The following TSHZ2 variants were observed in gnomAD, a reference collection of about 807,000 sequenced individuals.
The protein encoded by TSHZ2 is teashirt homolog 2.
In TSHZ2, 21 loss-of-function variants were observed where a neutral mutation model predicts 74.4. That is an observed-to-expected ratio of 0.28 (90% CI 0.20 to 0.41). TSHZ2 has a LOEUF of 0.41. Among genes scored for constraint, TSHZ2 ranks in the 10% least tolerant of loss-of-function variants. The probability of loss-of-function intolerance (pLI) is 1.00; values close to 1 mark genes in which losing one functional copy is unlikely to be tolerated. For missense variants in TSHZ2, 1,244 were observed against 1,293.5 expected, an observed-to-expected ratio of 0.96 and a Z score of 0.59; for synonymous variants, 540 against 515.3, an observed-to-expected ratio of 1.05 and a Z score of -0.65.
chr20:53,044,784 G>A (rs911177221), intron 1 of TSHZ2, among the ~76,000 whole-genome samples: 2 of 152,054 alleles, frequency 1.3e-5, no homozygotes, highest in African/African-American at 2.4e-5. Context: ...ATCACAGCTC[G>A]CTGCAGCCCT....
At chr20:53,051,459 A>ACACG (rs1379489810) in intron 1 of TSHZ2, among the ~76,000 whole-genome samples, 1 of 93,416 alleles carries the variant, frequency 1.1e-5, no homozygotes, top group African/African-American at 1.1e-4. Flanking sequence ...TGGCGCACGC[A>ACACG]CACACACACA....
intron 2 of TSHZ2, among the ~76,000 whole-genome samples, chr20:53,302,398 C>T (rs1978346049): frequency 6.6e-6 from 1 of 152,100 alleles, no homozygotes; most frequent in African/African-American, 2.4e-5. Flanking sequence ...TTTCATCGAA[C>T]CTTGTTAGTG....
At chr20:53,462,254 AAAAAC>A (rs780176422) in intron 2 of TSHZ2, among the ~76,000 whole-genome samples, 14 of 152,292 alleles carry the variant, frequency 9.2e-5, no homozygotes, top group South Asian at 8.3e-4. Context: ...ACCCTGTCTC[AAAAAC>A]AAAACAAAAC....
chr20:53,119,487 G>T (rs1986754086), intron 1 of TSHZ2, among the ~76,000 whole-genome samples: 1 of 152,178 alleles, frequency 6.6e-6, no homozygotes. Context: ...GTCAAGGGGA[G>T]AGAGTCCAGC....
At chr20:53,292,651 T>C (rs1196149675) in intron 2 of TSHZ2, among the ~76,000 whole-genome samples, 1 of 152,092 alleles carries the variant, frequency 6.6e-6, no homozygotes, top group African/African-American at 2.4e-5. Flanking sequence ...GGTCTCACTA[T>C]GTTGCCCAGT....
chr20:53,234,566 A>T (rs1989897945), intron 1 of TSHZ2, among the ~76,000 whole-genome samples: 1 of 152,176 alleles, frequency 6.6e-6, no homozygotes, highest in Non-Finnish European at 1.5e-5. Flanking sequence ...GGAGTTCTGA[A>T]AGAATGGGGA....
chr20:53,174,832 C>T (rs1275991890), intron 1 of TSHZ2, among the ~76,000 whole-genome samples: 3 of 151,842 alleles, frequency 2.0e-5, no homozygotes, highest in Non-Finnish European at 4.4e-5. Context: ...AATTGGGTCC[C>T]AAACAAAAAT....
chr20:53,247,291 T>C (rs1450818511), intron 1 of TSHZ2, among the ~76,000 whole-genome samples: 1 of 152,200 alleles, frequency 6.6e-6, no homozygotes, highest in African/African-American at 2.4e-5. Flanking sequence ...GCAAACACAC[T>C]GGGCCCTGGC....
At chr20:52,993,148 G>T (rs1183750811) in intron 1 of TSHZ2, among the ~76,000 whole-genome samples, 1 of 152,072 alleles carries the variant, frequency 6.6e-6, no homozygotes, top group Non-Finnish European at 1.5e-5. Context: ...TCTCATTTGG[G>T]AATGGGCTAA....
intron 2 of TSHZ2, among the ~76,000 whole-genome samples, chr20:53,469,641 GAA>G (rs1985709736): frequency 1.7e-5 from 1 of 58,840 alleles, no homozygotes; most frequent in Admixed American, 1.6e-4. Flanking sequence ...AGGGAGGAAG[GAA>G]GGAAGGAAGG....
chr20:53,042,386 T>C, intron 1 of TSHZ2, among the ~76,000 whole-genome samples: 1 of 152,188 alleles, frequency 6.6e-6, no homozygotes, highest in Non-Finnish European at 1.5e-5. Context: ...TTGATTTTTA[T>C]TATTAACTGT....
chr20:53,384,088 C>T (rs1043332629), intron 2 of TSHZ2, among the ~76,000 whole-genome samples: 1 of 152,080 alleles, frequency 6.6e-6, no homozygotes, highest in Non-Finnish European at 1.5e-5. Context: ...AGGGAAGGCC[C>T]CCAGAGACAA....
chr20:53,170,282 A>AG (rs1600722414), intron 1 of TSHZ2, among the ~76,000 whole-genome samples: 1 of 152,372 alleles, frequency 6.6e-6, no homozygotes, highest in East Asian at 1.9e-4. Flanking sequence ...AATGAAATTG[A>AG]CATCTAGGCT....
intron 1 of TSHZ2, among the ~76,000 whole-genome samples, chr20:53,235,370 A>C (rs991953786): frequency 6.6e-6 from 1 of 151,710 alleles, no homozygotes; most frequent in African/African-American, 2.4e-5. Context: ...GGGTTTCACC[A>C]TGTTGGCCAT....
intron 1 of TSHZ2, among the ~76,000 whole-genome samples, chr20:53,108,860 T>G (rs986282465): frequency 2.0e-5 from 3 of 152,212 alleles, no homozygotes; most frequent in Non-Finnish European, 2.9e-5. Context: ...CTACCTTCAG[T>G]GTCCCTGGTT....
At chr20:53,288,677 G>A (rs141264340) in intron 2 of TSHZ2, among the ~76,000 whole-genome samples, 3 of 152,228 alleles carry the variant, frequency 2.0e-5, no homozygotes, top group African/African-American at 7.2e-5. Context: ...TGCTCTCAAG[G>A]AGTTGTCATT....
At chr20:53,291,852 G>A (rs1991284124) in intron 2 of TSHZ2, among the ~76,000 whole-genome samples, 1 of 152,114 alleles carries the variant, frequency 6.6e-6, no homozygotes, top group Non-Finnish European at 1.5e-5. Flanking sequence ...GGTACATCAA[G>A]GCAAACCTTA....
intron 2 of TSHZ2, among the ~76,000 whole-genome samples, chr20:53,384,033 A>T (rs1981956170): frequency 6.6e-6 from 1 of 152,040 alleles, no homozygotes; most frequent in Non-Finnish European, 1.5e-5. Flanking sequence ...TCTGCATTTC[A>T]CCTTTTTGCT....
intron 1 of TSHZ2, among the ~76,000 whole-genome samples, chr20:53,128,170 ATGG>A (rs144154798): frequency 0.093 from 12,899 of 137,982 alleles, 806 homozygotes; most frequent in Admixed American, 0.2. Context: ...CCTAAGTTAG[ATGG>A]TGGTGGGGAA....
Sources: allele counts gnomAD v4.1 joint callset (sites outside exome capture counted in the v4.1 genomes callset), GRCh38; gene constraint gnomAD v4.1.1; transcripts MANE v1.5; gene names NCBI Gene and HGNC (gene_info 2026-07-23, HGNC 2026-07-21).